The following SH3BP2 variants were observed in gnomAD, a reference collection of about 807,000 sequenced individuals.
SH3BP2 encodes the protein SH3 domain-binding protein 2.
SH3BP2 carries 38 observed loss-of-function variants against 56.2 expected under a neutral mutation model. The ratio of observed to expected loss-of-function variants is 0.68; its 90% CI spans 0.52 to 0.89. SH3BP2 has a LOEUF of 0.89. Among genes scored for constraint, SH3BP2 ranks in the 40% least tolerant of loss-of-function variants. The probability of loss-of-function intolerance (pLI) is 0.00; values close to 1 mark genes in which losing one functional copy is unlikely to be tolerated. For synonymous variants in SH3BP2, 346 were observed against 316.7 expected (o/e 1.09, Z -0.98); for missense variants, 748 against 762.6 (o/e 0.98, Z 0.23).
At chr4:2,826,368 T>G (rs28718164) in intron 5 of SH3BP2, 123 of 90,834 alleles carry the variant, frequency 1.4e-3, no homozygotes, top group African/African-American at 3.4e-3. Flanking sequence ...TGCTCTGTGT[T>G]TGTGTGTGCA....
intron 1 of SH3BP2, among the ~76,000 whole-genome samples, chr4:2,804,053 C>T (rs1331287179): frequency 6.6e-6 from 1 of 152,152 alleles, no homozygotes; most frequent in East Asian, 1.9e-4. Context: ...TCCGGCTGAC[C>T]AGCCTCACCA....
chr4:2,825,095 C>G (rs1381361050), intron 4 of SH3BP2, 31 bp from the exon 5 acceptor site: 1 of 1,542,850 alleles, frequency 6.5e-7, no homozygotes, highest in East Asian at 2.4e-5. Flanking sequence ...CCTGGTGGCA[C>G]CGTGCCCACC....
chr4:2,832,312 T>C lies in SH3BP2; in HGVS notation c.1407-19T>C, dbSNP rs754090078. On this transcript the variant is annotated intron_variant, in intron 10 of 12. Transcript: ENST00000503393. The stretch of plus-strand genomic sequence containing the variant: ...TGCCCGAGGAGGACTCACCCGCTAA[T>C]ATGACTGTCTTATTTTAGGTTGTTC... 6.4e-5 allele frequency: 102 copies of C among 1,605,340 alleles called. 1 individual carries two copies. The Admixed American group carries it at 1.6e-3, about 25-fold the overall frequency.
intron 2 of SH3BP2, 27 bp downstream of exon 2, chr4:2,820,780 C>T (rs1724260156): frequency 6.2e-7 from 1 of 1,604,856 alleles, no homozygotes; most frequent in Non-Finnish European, 8.5e-7. Context: ...GTAGGGTGCA[C>T]AGTAGGAGGG....
At position 2,831,713 on chromosome 4, in the gene SH3BP2, C is replaced by T. The variant is rs1163441658; in HGVS notation, c.1350+34C>T. The stretch of plus-strand genomic sequence containing the variant: ...GAGCGGCAAGCCTGGGTCCCAGTGG[C>T]CAGTAGGTGGACAGGTGGTGGGAAA... On this transcript the variant is annotated intron_variant, in intron 9 of 12. Coordinates refer to ENST00000503393, the MANE Select transcript of SH3BP2 (RefSeq NM_001122681.2). The surrounding 1 kb of genome is among the most constrained non-coding windows in gnomAD (Gnocchi z 4.1). 1 of 1,525,310 alleles carries T rather than the reference C, an allele frequency of 6.6e-7. No homozygotes were observed. Among genetic ancestry groups the T allele is most frequent in the Non-Finnish European group, 9.0e-7 (1 of 1,115,444 alleles). The allele number at this position is 1,525,310 out of a possible 1,614,324, so 94.5% of individuals were successfully genotyped here. A position where few individuals can be genotyped will look rare whatever the true frequency, so the allele number is the denominator to read the frequency against.
chr4:2,802,518 G>GTA (rs202195365), intron 1 of SH3BP2, among the ~76,000 whole-genome samples: 10 of 113,808 alleles, frequency 8.8e-5, no homozygotes, highest in East Asian at 4.6e-4. Flanking sequence ...GTATATATGT[G>GTA]TATATATATA....
At chr4:2,801,710 A>T (rs1199581118) in intron 1 of SH3BP2, among the ~76,000 whole-genome samples, 1 of 152,242 alleles carries the variant, frequency 6.6e-6, no homozygotes, top group South Asian at 2.1e-4. Flanking sequence ...AAAATTTACT[A>T]AGGAATAAAA....
At chr4:2,827,467 C>G in intron 6 of SH3BP2, 139 bp from the exon 7 acceptor site, 1 of 1,182,644 alleles carries the variant, frequency 8.5e-7, no homozygotes. Context: ...CTCTGGCCTT[C>G]AGCGGCAGGG....
intron 4 of SH3BP2, 33 bp from the exon 5 acceptor site, chr4:2,825,093 C>T: frequency 6.5e-7 from 1 of 1,537,918 alleles, no homozygotes; most frequent in Non-Finnish European, 8.8e-7. Context: ...ACCCTGGTGG[C>T]ACCGTGCCCA....
chr4:2,824,547 G>T, intron 3 of SH3BP2, 66 bp from the exon 4 acceptor site: 3 of 1,168,908 alleles, frequency 2.6e-6, no homozygotes, highest in Non-Finnish European at 3.8e-6. Context: ...TTCACAGGGG[G>T]GTGCTGTGGG....
rs749035089 is a variant in SH3BP2 at position 2,820,687 on chromosome 4, C to A, written c.70C>A (p.Pro24Thr). 2 of 1,614,120 alleles carry A rather than the reference C, an allele frequency of 1.2e-6. No homozygotes were observed. The highest frequency in any genetic ancestry group is 3.3e-5 in the Admixed American group (2 of 60,010). The change falls in exon 2 of 13, where the codon CCT becomes ACT. Residue 24 changes from proline to threonine, a missense_variant. By Grantham distance (38) the Pro-to-Thr change is conservative. Transcript: ENST00000503393. ...AIGAQNLLTM[P>T]GGVAKAGYLH... The stretch of plus-strand genomic sequence containing the variant: ...TGGTGCCCAGAACCTGCTAACCATG[C>A]CTGGGGGCGTGGCCAAGGCTGGCTA...
rs1723699217 is a variant in SH3BP2 at position 2,810,442 on chromosome 4, A to C, written c.-4-10172A>C. ...TGAGTGTGGGGCTTTTGGCGGAGCA[A>C]GGGCAGGGGCGAGCCTGGCTCCTGC... On this transcript the variant is annotated intron_variant, in intron 1 of 12. Transcript: ENST00000503393. The surrounding 1 kb of genome is among the most constrained non-coding windows in gnomAD (Gnocchi z 4.2). Among the ~76,000 whole-genome samples, 2 of 151,586 alleles carry C rather than the reference A, an allele frequency of 1.3e-5. No individual in the cohort carries two copies. Among genetic ancestry groups the C allele is most frequent in the South Asian group, 4.2e-4 (2 of 4,790 alleles).
intron 2 of SH3BP2, among the ~76,000 whole-genome samples, chr4:2,822,397 C>T (rs961934223): frequency 2.0e-5 from 3 of 151,876 alleles, no homozygotes; most frequent in Admixed American, 1.3e-4. Context: ...TAGAGACAGT[C>T]TCACTCTTGT....
intron 1 of SH3BP2, among the ~76,000 whole-genome samples, chr4:2,819,333 C>T (rs1361398641): frequency 6.6e-6 from 1 of 152,238 alleles, no homozygotes; most frequent in East Asian, 1.9e-4. Context: ...GATCCTCCTG[C>T]CTCAGCCTCC....
In SH3BP2 at chr4:2,829,033, T is replaced by G. The variant is rs1409194541; in HGVS notation, c.587-460T>G. Among the ~76,000 whole-genome samples the G allele has an allele frequency of 6.6e-6, 1 of 152,050 alleles. No individual in the cohort carries two copies. Among genetic ancestry groups the G allele is most frequent in the African/African-American group, 2.4e-5 (1 of 41,408 alleles). On this transcript the variant is annotated intron_variant, in intron 7 of 12. Transcript: ENST00000503393. The surrounding 1 kb of genome is among the most constrained non-coding windows in gnomAD (Gnocchi z 4.9). Reference sequence around the variant, plus strand: ...CCTGGATTTTTGAACTCTGCACACATTCCCTGACCCCGCATCCCCTGGCAT... The same window carrying G: ...CCTGGATTTTTGAACTCTGCACACAGTCCCTGACCCCGCATCCCCTGGCAT...
rs1250155809 is a variant in SH3BP2 at position 2,835,101 on chromosome 4, G to A, written c.*1267G>A. The stretch of plus-strand genomic sequence containing the variant: ...TTTTTAATGAAACAGACTCAGGGAG[G>A]TAGGGGCTGGCAGGGACCCTAGAAT... On this transcript the variant is annotated 3_prime_UTR_variant, in exon 13 of 13. Transcript: ENST00000503393. 1 of 152,210 alleles carries A rather than the reference G, an allele frequency of 6.6e-6. No homozygotes were observed. Among genetic ancestry groups the A allele is most frequent in the African/African-American group, 2.4e-5 (1 of 41,424 alleles). The allele number at this position is 152,210 out of a possible 1,614,324, so 9.4% of individuals were successfully genotyped here.
chr4:2,795,204 G>C (rs963536580), intron 1 of SH3BP2, among the ~76,000 whole-genome samples: 4 of 152,208 alleles, frequency 2.6e-5, no homozygotes, highest in Non-Finnish European at 5.9e-5. Flanking sequence ...TGTTTTGGGT[G>C]GGGGCAGGGA....
chr4:2,832,166 C>T lies in SH3BP2; in HGVS notation c.1407-165C>T. ...CAGCTGGCACCCTGGCTGGCCAGGGCTCTGCTGGGCTGCTTCTGTCAGCCT... is the reference window on the plus strand; with the variant it reads ...CAGCTGGCACCCTGGCTGGCCAGGGTTCTGCTGGGCTGCTTCTGTCAGCCT... On this transcript the variant is annotated intron_variant, in intron 10 of 12. Transcript: ENST00000503393. 6 of 939,092 alleles carry T rather than the reference C, an allele frequency of 6.4e-6. No homozygotes were observed. In the South Asian group the frequency reaches 8.0e-5, roughly 13 times the overall value. The allele number at this position is 939,092 out of a possible 1,614,324, so 58.2% of individuals were successfully genotyped here. A position where few individuals can be genotyped will look rare whatever the true frequency, so the allele number is the denominator to read the frequency against.
intron 1 of SH3BP2, among the ~76,000 whole-genome samples, chr4:2,816,115 C>T (rs757625192): frequency 1.6e-4 from 24 of 151,880 alleles, no homozygotes; most frequent in South Asian, 2.1e-4. Flanking sequence ...AGTGCAATGG[C>T]GCAATCTCGG....
Sources: allele counts gnomAD v4.1 joint callset (sites outside exome capture counted in the v4.1 genomes callset), GRCh38; gene constraint gnomAD v4.1.1; non-coding constraint Gnocchi (gnomAD v3.1); transcripts MANE v1.5; gene names NCBI Gene and HGNC (gene_info 2026-07-23, HGNC 2026-07-21).